The following SLC35F4 variants were observed in gnomAD, a reference collection of about 807,000 sequenced individuals.
SLC35F4 encodes the protein solute carrier family 35 member F4.
SLC35F4 carries 24 observed loss-of-function variants against 44.2 expected under a neutral mutation model. The ratio of observed to expected loss-of-function variants is 0.54; its 90% CI spans 0.39 to 0.76. The LOEUF is 0.76. SLC35F4 is among the 30% of genes least tolerant of loss of function. SLC35F4 has a pLI of 0.00. For missense variants in SLC35F4, 562 were observed against 586.1 expected (o/e 0.96, Z 0.42); for synonymous variants, 238 against 223.6 (o/e 1.06, Z -0.57).
intron 1 of SLC35F4, among the ~76,000 whole-genome samples, chr14:57,764,592 A>G (rs1000412371): frequency 2.6e-5 from 4 of 152,232 alleles, no homozygotes; most frequent in African/African-American, 9.6e-5. Flanking sequence ...GCTGCTACTA[A>G]GCTCCAGGAT....
intron 1 of SLC35F4, among the ~76,000 whole-genome samples, chr14:57,642,876 A>T (rs1296718262): frequency 6.6e-6 from 1 of 151,974 alleles, no homozygotes; most frequent in African/African-American, 2.4e-5. Flanking sequence ...GGTTTACCCT[A>T]TCTCCCATTT....
chr14:57,906,810 G>C (rs552952283), intron 1 of SLC35F4, among the ~76,000 whole-genome samples: 4 of 152,280 alleles, frequency 2.6e-5, no homozygotes, highest in Admixed American at 6.5e-5. Flanking sequence ...TCATTACATT[G>C]CAGGGTAAAA....
At chr14:57,926,508 G>A (rs1889572523) in intron 1 of SLC35F4, among the ~76,000 whole-genome samples, 1 of 152,104 alleles carries the variant, frequency 6.6e-6, no homozygotes, top group Non-Finnish European at 1.5e-5. Flanking sequence ...ACAACCTTCT[G>A]AGGAGTAAGG....
At chr14:57,707,435 G>T (rs1006758138) in intron 1 of SLC35F4, among the ~76,000 whole-genome samples, 5 of 152,100 alleles carry the variant, frequency 3.3e-5, no homozygotes, top group Admixed American at 2.0e-4. Context: ...CATTCCCCCT[G>T]CTTGCACTTC....
At chr14:57,857,487 CTTTCTT>C (rs1347542004) in intron 1 of SLC35F4, among the ~76,000 whole-genome samples, 6 of 151,920 alleles carry the variant, frequency 3.9e-5, no homozygotes, top group African/African-American at 1.5e-4. Context: ...ATCATGTACT[CTTTCTT>C]TTTCTGTGTG....
rs142174328 is a variant in SLC35F4 at position 57,830,889 on chromosome 14, C to G, written c.103+34834G>C. On this transcript the variant is annotated intron_variant, in intron 1 of 7. Coordinates refer to ENST00000556826, the MANE Select transcript of SLC35F4 (RefSeq NM_001306087.2). Reference sequence around the variant, plus strand: ...AAATTCACCCTAACTGAACACAGTGCCCATTTCTGCACAGACTACCTGTGG... The same window carrying G: ...AAATTCACCCTAACTGAACACAGTGGCCATTTCTGCACAGACTACCTGTGG... Among the ~76,000 whole-genome samples, 327 of 152,282 alleles carry G rather than the reference C, an allele frequency of 2.1e-3. 1 individual carries two copies. The highest frequency in any genetic ancestry group is 3.9e-3 in the Non-Finnish European group (267 of 68,024).
At chr14:57,921,379 C>T (rs1195093572) in intron 1 of SLC35F4, among the ~76,000 whole-genome samples, 1 of 152,218 alleles carries the variant, frequency 6.6e-6, no homozygotes, top group African/African-American at 2.4e-5. Flanking sequence ...GGGCTTCATC[C>T]TCCTTCCACA....
chr14:57,670,546 G>T (rs541279523), intron 1 of SLC35F4, among the ~76,000 whole-genome samples: 1 of 151,728 alleles, frequency 6.6e-6, no homozygotes, highest in Non-Finnish European at 1.5e-5. Flanking sequence ...TGTTCTCGTT[G>T]GTTTCAAAGA....
chr14:57,907,372 A>C (rs1383105002), intron 1 of SLC35F4, among the ~76,000 whole-genome samples: 2 of 152,184 alleles, frequency 1.3e-5, no homozygotes, highest in Admixed American at 1.3e-4. Flanking sequence ...GTGGTCTGGA[A>C]TCAAACCCAC....
intron 1 of SLC35F4, among the ~76,000 whole-genome samples, chr14:57,833,866 T>A (rs1164657886): frequency 6.6e-6 from 1 of 152,206 alleles, no homozygotes; most frequent in East Asian, 1.9e-4. Flanking sequence ...CAGAAAATAA[T>A]TTTTTAAATG....
intron 1 of SLC35F4, among the ~76,000 whole-genome samples, chr14:57,845,561 G>A (rs1885945230): frequency 6.6e-6 from 1 of 152,174 alleles, no homozygotes; most frequent in South Asian, 2.1e-4. Flanking sequence ...CACTATGACT[G>A]TATACAGTGC....
chr14:57,944,762 G>C (rs74894017), intron 1 of SLC35F4, among the ~76,000 whole-genome samples: 1 of 143,442 alleles, frequency 7.0e-6, no homozygotes, highest in Non-Finnish European at 1.5e-5. Flanking sequence ...AAGAAAGGAA[G>C]AAAGAAAAGA....
chr14:57,810,884 A>T lies in SLC35F4; in HGVS notation c.103+54839T>A, dbSNP rs1008702759. On this transcript the variant is annotated intron_variant, in intron 1 of 7. Coordinates refer to ENST00000556826, the MANE Select transcript of SLC35F4 (RefSeq NM_001306087.2). ...CCCATCTTCATAATTCCTCTAAGGC[A>T]GATGAATGTTTTGTCTAGATTTGCA... is the stretch of plus-strand genomic sequence containing the variant. Among the ~76,000 whole-genome samples the T allele has an allele frequency of 3.3e-5, 5 of 152,242 alleles. No homozygotes were observed. In the East Asian group the frequency reaches 9.6e-4, roughly 29 times the overall value.
intron 1 of SLC35F4, among the ~76,000 whole-genome samples, chr14:57,677,662 T>G (rs2074743019): frequency 6.6e-6 from 1 of 152,022 alleles, no homozygotes; most frequent in Non-Finnish European, 1.5e-5. Flanking sequence ...ATGAGATGAC[T>G]AATGATTTTT....
intron 1 of SLC35F4, among the ~76,000 whole-genome samples, chr14:57,843,276 G>A (rs1194919885): frequency 6.6e-6 from 1 of 152,034 alleles, no homozygotes; most frequent in African/African-American, 2.4e-5. Context: ...CTGATACACT[G>A]TCCTTCCTCT....
intron 1 of SLC35F4, among the ~76,000 whole-genome samples, chr14:57,613,450 A>G (rs1016841059): frequency 7.9e-5 from 12 of 152,116 alleles, no homozygotes; most frequent in African/African-American, 2.7e-4. Flanking sequence ...TCCCCCAACA[A>G]TGGGTCACTC....
At chr14:57,892,628 C>T (rs1888792973) in intron 1 of SLC35F4, among the ~76,000 whole-genome samples, 1 of 152,064 alleles carries the variant, frequency 6.6e-6, no homozygotes, top group African/African-American at 2.4e-5. Context: ...ATCAATCTCT[C>T]AAGTGATAAA....
chr14:57,853,025 G>T (rs1886723598), intron 1 of SLC35F4, among the ~76,000 whole-genome samples: 1 of 152,196 alleles, frequency 6.6e-6, no homozygotes, highest in Non-Finnish European at 1.5e-5. Flanking sequence ...TTCAATCTCT[G>T]TTTAAATATA....
At chr14:57,879,145 A>G (rs539993868) in intron 1 of SLC35F4, among the ~76,000 whole-genome samples, 2 of 152,124 alleles carry the variant, frequency 1.3e-5, no homozygotes, top group South Asian at 4.2e-4. Flanking sequence ...TGCAGGAAAA[A>G]CTCTAAAGTA....
Sources: gnomAD v4.1 joint callset for allele counts (sites outside exome capture counted in the v4.1 genomes callset) on GRCh38, gnomAD v4.1.1 for gene constraint, MANE v1.5 for transcripts, NCBI Gene and HGNC (gene_info 2026-07-23, HGNC 2026-07-21) for gene names.